Variants in FMNL2 observed in about 807,000 individuals in gnomAD.
FMNL2 encodes formin-like protein 2.
Under a neutral mutation model 130.2 loss-of-function variants are expected in FMNL2, and 51 were observed. The ratio of observed to expected loss-of-function variants is 0.39; its 90% CI spans 0.31 to 0.49. The LOEUF is 0.49. Among genes scored for constraint, FMNL2 ranks in the 20% least tolerant of loss-of-function variants. The pLI is 0.85. For missense variants in FMNL2, 977 were observed against 1,316.2 expected (o/e 0.74, Z 3.99); for synonymous variants, 465 against 467.1 (o/e 1.00, Z 0.06).
intron 1 of FMNL2, among the ~76,000 whole-genome samples, chr2:152,417,022 A>G (rs1686655630): frequency 6.6e-6 from 1 of 152,200 alleles, no homozygotes; most frequent in Admixed American, 6.5e-5. Context: ...TGGATAGTCA[A>G]ACCTTAACAA....
intron 1 of FMNL2, among the ~76,000 whole-genome samples, chr2:152,501,669 A>C (rs1341404673): frequency 2.0e-5 from 3 of 152,170 alleles, no homozygotes; most frequent in African/African-American, 7.2e-5. Flanking sequence ...TTAACAAGTA[A>C]AGATATTCTG....
chr2:152,614,773 A>AC (rs373427571), intron 11 of FMNL2, 78 bp from the exon 12 acceptor site: 5 of 1,468,164 alleles, frequency 3.4e-6, no homozygotes, highest in Non-Finnish European at 4.6e-6. Context: ...AAAAAACAAA[A>AC]AAGACAGACT....
intron 1 of FMNL2, among the ~76,000 whole-genome samples, chr2:152,337,122 G>C (rs1681516509): frequency 6.6e-6 from 1 of 152,114 alleles, no homozygotes; most frequent in African/African-American, 2.4e-5. Flanking sequence ...GTGGCCGTCG[G>C]GGAGACAGAT....
At position 152,619,085 on chromosome 2, in the gene FMNL2, G is replaced by T; in HGVS notation, c.1554G>T (p.Met518Ile). Residue 518 changes from methionine (M) to isoleucine (I), a missense_variant, in exon 14 of 26, where the codon ATG becomes ATT. This residue lies in a region of FMNL2 where 689 missense variants were observed against 995.9 expected (regional missense o/e 0.69). Transcript: ENST00000288670. ...VVAGNSVGPT[M>I]GAASSGPLPP... ...CAGGTAACTCTGTGGGACCCACAAT[G>T]GGGGCCGCTTCCTCAGGACCCTTGC... 6.2e-7 allele frequency: 1 copy of T among 1,612,754 alleles called. No individual in the cohort carries two copies.
chr2:152,458,047 A>C (rs1689050619), intron 1 of FMNL2, among the ~76,000 whole-genome samples: 1 of 152,186 alleles, frequency 6.6e-6, no homozygotes, highest in Admixed American at 6.5e-5. Context: ...AACTTTAATC[A>C]TATCTGCAAA....
chr2:152,357,992 A>G (rs912665491), intron 1 of FMNL2, among the ~76,000 whole-genome samples: 2 of 152,218 alleles, frequency 1.3e-5, no homozygotes, highest in Non-Finnish European at 2.9e-5. Flanking sequence ...GGAGAGGCAG[A>G]TCCACCCTCA....
intron 9 of FMNL2, among the ~76,000 whole-genome samples, chr2:152,602,184 A>G (rs1048753172): frequency 1.7e-4 from 26 of 152,226 alleles, no homozygotes; most frequent in African/African-American, 6.0e-4. Flanking sequence ...TGTATTAGGC[A>G]GGACCCCACA....
At chr2:152,400,745 G>A (rs754566445) in intron 1 of FMNL2, among the ~76,000 whole-genome samples, 1 of 152,172 alleles carries the variant, frequency 6.6e-6, no homozygotes, top group Non-Finnish European at 1.5e-5. Flanking sequence ...GGCACCCCTG[G>A]TCCCTGCCCA....
At chr2:152,385,693 A>G (rs1684740846) in intron 1 of FMNL2, among the ~76,000 whole-genome samples, 1 of 152,236 alleles carries the variant, frequency 6.6e-6, no homozygotes, top group Admixed American at 6.5e-5. Flanking sequence ...GAAGTTTGCC[A>G]TAGAAATCTG....
chr2:152,500,667 G>A (rs1691771596), intron 1 of FMNL2, among the ~76,000 whole-genome samples: 1 of 152,180 alleles, frequency 6.6e-6, no homozygotes, highest in African/African-American at 2.4e-5. Context: ...GGCCAACATG[G>A]CGAAACCCTG....
At chr2:152,623,237 A>T (rs1681489106) in intron 15 of FMNL2, among the ~76,000 whole-genome samples, 1 of 151,928 alleles carries the variant, frequency 6.6e-6, no homozygotes, top group South Asian at 2.1e-4. Context: ...TTATGAAAAG[A>T]CTCCTCTGCG....
chr2:152,452,543 C>A (rs991112026), intron 1 of FMNL2, among the ~76,000 whole-genome samples: 2 of 152,120 alleles, frequency 1.3e-5, no homozygotes, highest in East Asian at 1.9e-4. Context: ...CTCCTCCCCC[C>A]CCTAGTTTTC....
At chr2:152,433,147 C>T (rs1687585522) in intron 1 of FMNL2, among the ~76,000 whole-genome samples, 1 of 152,102 alleles carries the variant, frequency 6.6e-6, no homozygotes, top group East Asian at 1.9e-4. Flanking sequence ...AGAGCACATT[C>T]TTAAATCTTT....
At chr2:152,479,602 A>G (rs1309727496) in intron 1 of FMNL2, among the ~76,000 whole-genome samples, 1 of 152,108 alleles carries the variant, frequency 6.6e-6, no homozygotes, top group Non-Finnish European at 1.5e-5. Context: ...ATGTTTTTAC[A>G]TTCTAAATTA....
intron 1 of FMNL2, among the ~76,000 whole-genome samples, chr2:152,429,035 A>G (rs900300759): frequency 3.3e-5 from 5 of 151,548 alleles, no homozygotes; most frequent in African/African-American, 1.2e-4. Flanking sequence ...GGGAGGAGGC[A>G]GGTGGGAGGA....
chr2:152,517,787 C>G (rs1043911313), intron 1 of FMNL2, among the ~76,000 whole-genome samples: 24 of 152,126 alleles, frequency 1.6e-4, no homozygotes, highest in African/African-American at 5.8e-4. Flanking sequence ...TACTTGCAGG[C>G]AGTTACTTGG....
At chr2:152,564,656 C>T (rs1374248284) in intron 6 of FMNL2, among the ~76,000 whole-genome samples, 1 of 151,826 alleles carries the variant, frequency 6.6e-6, no homozygotes, top group Non-Finnish European at 1.5e-5. Flanking sequence ...TTGCTTGAAC[C>T]TGGGAGGCAG....
At chr2:152,338,270 A>G (rs1238464130) in intron 1 of FMNL2, among the ~76,000 whole-genome samples, 1 of 152,172 alleles carries the variant, frequency 6.6e-6, no homozygotes. Flanking sequence ...AGATAGTAAT[A>G]CCGTATAGAA....
intron 1 of FMNL2, among the ~76,000 whole-genome samples, chr2:152,500,776 C>T (rs1017076702): frequency 3.3e-5 from 5 of 150,070 alleles, no homozygotes; most frequent in Non-Finnish European, 4.5e-5. Flanking sequence ...TGAACCCCAG[C>T]GAGGCAGAGG....
Sources: allele counts gnomAD v4.1 joint callset (sites outside exome capture counted in the v4.1 genomes callset), GRCh38; gene constraint gnomAD v4.1.1; regional missense constraint gnomAD v4.1.1; transcripts MANE v1.5; gene names NCBI Gene and HGNC (gene_info 2026-07-23, HGNC 2026-07-21).